Variants in FKBP5 observed in about 807,000 individuals in gnomAD.
The protein encoded by FKBP5 is peptidyl-prolyl cis-trans isomerase FKBP5.
Under a neutral mutation model 50.5 loss-of-function variants are expected in FKBP5, and 23 were observed. That is an observed-to-expected ratio of 0.46 (90% CI 0.33 to 0.65). The LOEUF (loss-of-function observed/expected upper bound fraction) is 0.65, where lower values mean the gene tolerates loss of function less well. FKBP5 is among the 30% of genes least tolerant of loss of function. FKBP5 has a pLI of 0.02. For missense variants in FKBP5, 411 were observed against 553.1 expected, an observed-to-expected ratio of 0.74 and a Z score of 2.58; for synonymous variants, 176 against 190.6, an observed-to-expected ratio of 0.92 and a Z score of 0.63.
chr6:35,698,370 G>A (rs767446180), intron 2 of FKBP5, among the ~76,000 whole-genome samples: 18 of 151,826 alleles, frequency 1.2e-4, no homozygotes, highest in African/African-American at 3.6e-4. Flanking sequence ...AAATAAGGCC[G>A]GGCGCGGTGG....
At chr6:35,719,494 A>G (rs1766567993) in intron 2 of FKBP5, among the ~76,000 whole-genome samples, 1 of 152,238 alleles carries the variant, frequency 6.6e-6, no homozygotes, top group South Asian at 2.1e-4. Context: ...CTCATAAAGT[A>G]CTGCTAGCAT....
chr6:35,697,725 G>T (rs1766109365), intron 2 of FKBP5, among the ~76,000 whole-genome samples: 1 of 152,124 alleles, frequency 6.6e-6, no homozygotes, highest in Non-Finnish European at 1.5e-5. Flanking sequence ...AAGGCTGGAG[G>T]TGTAGGAGAG....
chr6:35,660,805 T>C lies in FKBP5; in HGVS notation c.-19-17962A>G, dbSNP rs1446948956. On this transcript the variant is annotated intron_variant, in intron 1 of 10. Coordinates refer to ENST00000357266, the MANE Select transcript of FKBP5 (RefSeq NM_004117.4). ...CTCCAACTATAATTTTAGATCTACT[T>C]ATCCTTTCAAGTTCTATCAGTTTCT... Among the ~76,000 whole-genome samples the C allele has an allele frequency of 1.5e-4, 13 of 84,526 alleles. 3 individuals carry two copies. The highest frequency in any genetic ancestry group is 4.8e-4 in the African/African-American group (13 of 27,336). 55.5% of individuals were successfully genotyped at this position (84,526 alleles called of 152,430 possible).
rs141087539 is a variant in FKBP5 at position 35,579,153 on chromosome 6, C to T, written c.1026+883G>A. ...AAAACAAACAAAACACACACACGCGCGCGCGCACACACTCTCTCTCTCTCT... is the reference window on the plus strand; with the variant it reads ...AAAACAAACAAAACACACACACGCGTGCGCGCACACACTCTCTCTCTCTCT... On this transcript the variant is annotated intron_variant, in intron 9 of 10. Coordinates refer to ENST00000357266, the MANE Select transcript of FKBP5 (RefSeq NM_004117.4). 6.0e-3 allele frequency among the ~76,000 whole-genome samples: 894 copies of T among 148,614 alleles called. 10 individuals are homozygous for T. Among genetic ancestry groups the T allele is most frequent in the African/African-American group, 0.022 (835 of 38,448 alleles).
intron 1 of FKBP5, among the ~76,000 whole-genome samples, chr6:35,648,037 A>T (rs1290275575): frequency 6.6e-6 from 1 of 152,150 alleles, no homozygotes; most frequent in Non-Finnish European, 1.5e-5. Flanking sequence ...GGGCTAAACA[A>T]CAGAATCACC....
intron 1 of FKBP5, among the ~76,000 whole-genome samples, chr6:35,682,322 C>T (rs1015210814): frequency 1.3e-5 from 2 of 152,180 alleles, no homozygotes; most frequent in African/African-American, 4.8e-5. Flanking sequence ...GATGCAGACT[C>T]AATCTCTAAG....
chr6:35,676,648 T>C (rs1431909165), intron 1 of FKBP5, among the ~76,000 whole-genome samples: 1 of 152,218 alleles, frequency 6.6e-6, no homozygotes, highest in African/African-American at 2.4e-5. Flanking sequence ...CCCTATATTA[T>C]CTGTAGTTCC....
At chr6:35,584,383 G>A in intron 8 of FKBP5, 1 of 985,390 alleles carries the variant, frequency 1.0e-6, no homozygotes, top group Non-Finnish European at 1.2e-6. Context: ...ACAGATCAAT[G>A]GAAACAGAAT....
chr6:35,585,879 T>C, intron 8 of FKBP5: 1 of 985,402 alleles, frequency 1.0e-6, no homozygotes, highest in Non-Finnish European at 1.2e-6. Context: ...TAATTTTGGG[T>C]TGATTATATA....
intron 7 of FKBP5, 65 bp downstream of exon 7, chr6:35,591,065 T>C: frequency 9.4e-7 from 1 of 1,062,524 alleles, no homozygotes; most frequent in East Asian, 2.4e-5. Context: ...GATAAGATAC[T>C]GATTTATAGG....
chr6:35,626,958 C>A (rs1764019312), intron 3 of FKBP5, among the ~76,000 whole-genome samples: 1 of 152,190 alleles, frequency 6.6e-6, no homozygotes, highest in Non-Finnish European at 1.5e-5. Flanking sequence ...AATATCTCTT[C>A]AAGACCCTGC....
At chr6:35,619,017 A>T (rs549758538) in intron 5 of FKBP5, 79 bp downstream of exon 5, 1 of 929,084 alleles carries the variant, frequency 1.1e-6, no homozygotes, top group Non-Finnish European at 1.7e-6. Flanking sequence ...TTCTACAAAC[A>T]TTTTTTTTTA....
chr6:35,638,495 T>C (rs374765814), intron 2 of FKBP5, among the ~76,000 whole-genome samples: 1 of 152,126 alleles, frequency 6.6e-6, no homozygotes. Flanking sequence ...CATAGCTCAC[T>C]GTAGCCTCTA....
intron 3 of FKBP5, among the ~76,000 whole-genome samples, chr6:35,629,848 A>C (rs978289714): frequency 2.0e-5 from 3 of 152,208 alleles, no homozygotes; most frequent in Non-Finnish European, 4.4e-5. Flanking sequence ...GTACTTTCTT[A>C]AAGTTTGCTG....
chr6:35,625,344 C>T (rs895063040), intron 3 of FKBP5, among the ~76,000 whole-genome samples: 1 of 152,088 alleles, frequency 6.6e-6, no homozygotes, highest in Non-Finnish European at 1.5e-5. Flanking sequence ...CTCGGCCTCC[C>T]GAAGTGCTGG....
chr6:35,615,526 C>G (rs762020821), intron 5 of FKBP5, among the ~76,000 whole-genome samples: 1 of 151,910 alleles, frequency 6.6e-6, no homozygotes, highest in African/African-American at 2.4e-5. Flanking sequence ...AAATCTGGGA[C>G]AATGTGAACA....
At chr6:35,617,217 C>G (rs113303148) in intron 5 of FKBP5, among the ~76,000 whole-genome samples, 111 of 152,218 alleles carry the variant, frequency 7.3e-4, no homozygotes, top group African/African-American at 2.6e-3. Flanking sequence ...AGAATTTAAA[C>G]TGATTTGCCA....
intron 1 of FKBP5, among the ~76,000 whole-genome samples, chr6:35,647,053 A>G (rs1270678947): frequency 6.6e-6 from 1 of 152,218 alleles, no homozygotes; most frequent in Admixed American, 6.5e-5. Context: ...AGATTATGCT[A>G]CTAACAGGAG....
At chr6:35,580,438 T>G (rs1337462116) in intron 8 of FKBP5, 5 of 426,404 alleles carry the variant, frequency 1.2e-5, no homozygotes, top group African/African-American at 2.0e-5. Context: ...TGCCTAGTGC[T>G]GCTCTGCAGC....
Sources: allele counts gnomAD v4.1 joint callset (sites outside exome capture counted in the v4.1 genomes callset), GRCh38; gene constraint gnomAD v4.1.1; transcripts MANE v1.5; gene names NCBI Gene and HGNC (gene_info 2026-07-23, HGNC 2026-07-21).